Variants in GPC6 observed in about 807,000 individuals in gnomAD.
GPC6 encodes glypican-6.
In GPC6, 14 loss-of-function variants were observed where a neutral mutation model predicts 55.2. The ratio of observed to expected loss-of-function variants is 0.25; its 90% confidence interval spans 0.17 to 0.40. GPC6 has a LOEUF of 0.40. Ranked by LOEUF, GPC6 falls within the 10% of genes least tolerant of loss-of-function variation. The probability of loss-of-function intolerance (pLI) is 1.00; values close to 1 mark genes in which losing one functional copy is unlikely to be tolerated. For synonymous variants in GPC6, 278 were observed against 259.6 expected (o/e 1.07, Z -0.68); for missense variants, 641 against 708.5 (o/e 0.90, Z 1.08).
chr13:93,598,875 T>C (rs1450415263), intron 2 of GPC6, among the ~76,000 whole-genome samples: 1 of 152,204 alleles, frequency 6.6e-6, no homozygotes, highest in Non-Finnish European at 1.5e-5. Context: ...CTTTCTGTTA[T>C]TTTGTTTTTG....
chr13:93,525,551 C>G (rs1360297406), intron 1 of GPC6, among the ~76,000 whole-genome samples: 1 of 152,020 alleles, frequency 6.6e-6, no homozygotes, highest in Non-Finnish European at 1.5e-5. Flanking sequence ...GAAATTGAAA[C>G]TTTTATAAAG....
rs35612610 is a variant in GPC6, at chr13:94,108,183, T to C, written c.877+80289T>C. On this transcript the variant is annotated intron_variant, in intron 4 of 8. Transcript: ENST00000377047. ...GTGGATGAAGAAACTGTGGTATATA[T>C]GTATAATGGAATACTACTCAGCCAT... Among the ~76,000 whole-genome samples, 1,158 of 152,264 alleles carry C rather than the reference T, an allele frequency of 7.6e-3. 4 individuals are homozygous for C. Among genetic ancestry groups the C allele is most frequent in the Non-Finnish European group, 0.011 (752 of 68,024 alleles).
At chr13:93,935,117 T>A (rs1878368341) in intron 3 of GPC6, among the ~76,000 whole-genome samples, 1 of 152,208 alleles carries the variant, frequency 6.6e-6, no homozygotes, top group Non-Finnish European at 1.5e-5. Context: ...TGTTGCTGGT[T>A]TTTTTAATTT....
intron 3 of GPC6, among the ~76,000 whole-genome samples, chr13:93,921,863 AG>A (rs1240948718): frequency 1.3e-5 from 2 of 151,692 alleles, no homozygotes; most frequent in Non-Finnish European, 2.9e-5. Context: ...TCCAAGCTTG[AG>A]GGTGGAGCCT....
chr13:93,744,658 G>A (rs1038042775), intron 2 of GPC6, among the ~76,000 whole-genome samples: 9 of 148,410 alleles, frequency 6.1e-5, no homozygotes, highest in East Asian at 2.0e-4. Flanking sequence ...TATATCTCTC[G>A]GCCAGGCGTG....
intron 3 of GPC6, among the ~76,000 whole-genome samples, chr13:93,924,831 T>C (rs565405033): frequency 7.2e-5 from 11 of 152,108 alleles, no homozygotes; most frequent in Non-Finnish European, 1.3e-4. Context: ...TTAAGTTAAT[T>C]TACTTTTTAA....
chr13:94,316,642 G>A (rs1332361374), intron 6 of GPC6, among the ~76,000 whole-genome samples: 1 of 150,454 alleles, frequency 6.6e-6, no homozygotes. Context: ...GCGTGAACCC[G>A]GGAGGCAGAG....
chr13:93,756,734 C>G (rs892031981), intron 2 of GPC6, among the ~76,000 whole-genome samples: 2 of 152,208 alleles, frequency 1.3e-5, no homozygotes, highest in East Asian at 3.9e-4. Context: ...AATCACTTTT[C>G]TTTTCCTTTA....
At chr13:93,557,004 T>G (rs996460858) in intron 2 of GPC6, among the ~76,000 whole-genome samples, 1 of 152,152 alleles carries the variant, frequency 6.6e-6, no homozygotes, top group Admixed American at 6.6e-5. Context: ...CTTTAATGTG[T>G]TAAAGGATTA....
At chr13:93,552,999 A>T (rs1279138734) in intron 2 of GPC6, among the ~76,000 whole-genome samples, 2 of 152,170 alleles carry the variant, frequency 1.3e-5, no homozygotes, top group Non-Finnish European at 2.9e-5. Context: ...CCCTGGAAAC[A>T]TTTTTGTCTT....
At chr13:93,983,936 G>T (rs1278272475) in intron 3 of GPC6, among the ~76,000 whole-genome samples, 1 of 151,968 alleles carries the variant, frequency 6.6e-6, no homozygotes, top group African/African-American at 2.4e-5. Flanking sequence ...GAAATCACAT[G>T]CTTGTTTTTC....
At chr13:93,896,887 G>T (rs1033963486) in intron 3 of GPC6, among the ~76,000 whole-genome samples, 2 of 151,604 alleles carry the variant, frequency 1.3e-5, no homozygotes, top group African/African-American at 2.4e-5. Flanking sequence ...ACACCTGTGG[G>T]CGTCTGCATC....
At chr13:93,337,594 G>A (rs1880093593) in intron 1 of GPC6, among the ~76,000 whole-genome samples, 1 of 152,052 alleles carries the variant, frequency 6.6e-6, no homozygotes, top group Admixed American at 6.6e-5. Context: ...CTATAAGAAT[G>A]CAGATATTCT....
At chr13:93,544,243 C>T (rs1361475110) in intron 1 of GPC6, among the ~76,000 whole-genome samples, 1 of 152,108 alleles carries the variant, frequency 6.6e-6, no homozygotes, top group African/African-American at 2.4e-5. Flanking sequence ...GGAGCTTAAG[C>T]ATTAAACTAC....
At chr13:93,413,035 G>A (rs999779132) in intron 1 of GPC6, among the ~76,000 whole-genome samples, 2 of 152,154 alleles carry the variant, frequency 1.3e-5, no homozygotes, top group Non-Finnish European at 2.9e-5. Context: ...ATTTACTTGG[G>A]TGAGGACTAA....
intron 1 of GPC6, among the ~76,000 whole-genome samples, chr13:93,479,440 A>G (rs754247041): frequency 6.6e-6 from 1 of 152,146 alleles, no homozygotes. Context: ...CACAAAGATG[A>G]TCTGAGAAGT....
At chr13:94,388,127 T>C (rs1473436895) in intron 7 of GPC6, among the ~76,000 whole-genome samples, 2 of 152,258 alleles carry the variant, frequency 1.3e-5, no homozygotes. Flanking sequence ...AAGGATTCGT[T>C]GTTCACCTGA....
chr13:93,369,110 T>C (rs9524023), intron 1 of GPC6, among the ~76,000 whole-genome samples: 127,274 of 151,898 alleles, frequency 0.84, 53,799 homozygotes, highest in East Asian at 0.97. Context: ...TGCCTCATTA[T>C]TGGTGGGTGG....
intron 2 of GPC6, among the ~76,000 whole-genome samples, chr13:93,648,827 C>T (rs1385764861): frequency 2.0e-5 from 3 of 152,084 alleles, no homozygotes; most frequent in East Asian, 1.9e-4. Context: ...GTGACATCAC[C>T]CATGTCACGC....
Sources: allele counts gnomAD v4.1 joint callset (sites outside exome capture counted in the v4.1 genomes callset), GRCh38; gene constraint gnomAD v4.1.1; transcripts MANE v1.5; gene names NCBI Gene and HGNC (gene_info 2026-07-23, HGNC 2026-07-21).